SYT13: variants seen among roughly 807,000 people sequenced by gnomAD.
SYT13 encodes the protein synaptotagmin 13.
SYT13 carries 21 observed loss-of-function variants against 38.6 expected under a neutral mutation model. The observed-to-expected ratio is 0.54, with a 90% CI of 0.39 to 0.78. The LOEUF (loss-of-function observed/expected upper bound fraction) is 0.78, where lower values mean the gene tolerates loss of function less well. Ranked by LOEUF, SYT13 falls within the 30% of genes least tolerant of loss-of-function variation. SYT13 has a pLI of 0.00. For missense variants in SYT13, 495 were observed against 548.7 expected (o/e 0.90, Z 0.98); for synonymous variants, 241 against 237.6 (o/e 1.01, Z -0.13).
At chr11:45,272,383 T>C (rs980971217) in intron 1 of SYT13, among the ~76,000 whole-genome samples, 1 of 152,232 alleles carries the variant, frequency 6.6e-6, no homozygotes, top group African/African-American at 2.4e-5. Context: ...AACCCCTGTG[T>C]GTCACTGGAT....
intron 1 of SYT13, among the ~76,000 whole-genome samples, chr11:45,284,531 T>A (rs988929459): frequency 6.6e-6 from 1 of 152,082 alleles, no homozygotes; most frequent in African/African-American, 2.4e-5. Flanking sequence ...CACAACCTGG[T>A]TTTTCTTTAA....
chr11:45,251,618 A>G (rs1444916980), intron 4 of SYT13, among the ~76,000 whole-genome samples: 4 of 151,880 alleles, frequency 2.6e-5, no homozygotes, highest in Non-Finnish European at 5.9e-5. Flanking sequence ...ATGAGCTTTG[A>G]CCCAGGGGCC....
At chr11:45,245,833 C>T (rs930811321) in intron 5 of SYT13, among the ~76,000 whole-genome samples, 1 of 152,236 alleles carries the variant, frequency 6.6e-6, no homozygotes, top group African/African-American at 2.4e-5. Flanking sequence ...CTTCTGCCAT[C>T]ACCCACACTC....
Position 45,243,848 on chromosome 11 carries a change from A to T in SYT13, c.*204T>A, listed in dbSNP as rs1349055391. 8.7e-6 allele frequency: 5 copies of T among 575,410 alleles called. No homozygotes were observed. Among genetic ancestry groups the T allele is most frequent in the Non-Finnish European group, 1.5e-5 (5 of 330,848 alleles). The allele number at this position is 575,410 out of a possible 1,614,324, so 35.6% of individuals were successfully genotyped here. A position where few individuals can be genotyped will look rare whatever the true frequency, so the allele number is the denominator to read the frequency against. On this transcript the variant is annotated 3_prime_UTR_variant, in exon 6 of 6. Transcript: ENST00000020926. ...TCAATAACACAGATGAGCAAAATGC[A>T]TTCCTCAGTGTGACCCGCATATTCC...
chr11:45,276,656 A>G (rs921271756), intron 1 of SYT13, among the ~76,000 whole-genome samples: 1 of 152,026 alleles, frequency 6.6e-6, no homozygotes, highest in Non-Finnish European at 1.5e-5. Context: ...TTAGATATTA[A>G]AAGCTCAGAA....
chr11:45,244,886 A>G (rs1854596120), intron 5 of SYT13, among the ~76,000 whole-genome samples: 1 of 152,200 alleles, frequency 6.6e-6, no homozygotes, highest in Non-Finnish European at 1.5e-5. Context: ...CCTTTGCTAC[A>G]TGACTTCATA....
intron 1 of SYT13, among the ~76,000 whole-genome samples, chr11:45,272,271 C>A (rs1413449130): frequency 1.3e-5 from 2 of 152,106 alleles, no homozygotes; most frequent in African/African-American, 4.8e-5. Flanking sequence ...TGCAGCAAAC[C>A]ACTGTGGCAT....
intron 2 of SYT13, 177 bp from the exon 3 acceptor site, chr11:45,254,581 G>A: frequency 1.4e-6 from 1 of 740,524 alleles, no homozygotes; most frequent in East Asian, 3.1e-5. Flanking sequence ...CAGCCCATTA[G>A]GCTGCATCTG....
intron 1 of SYT13, chr11:45,269,555 T>C (rs1854924423): frequency 1.0e-6 from 1 of 992,572 alleles, no homozygotes; most frequent in Non-Finnish European, 1.4e-6. Context: ...TTCACGCAAC[T>C]ATAGATAAGT....
chr11:45,264,445 A>C (rs1161685686), intron 1 of SYT13, among the ~76,000 whole-genome samples: 1 of 152,180 alleles, frequency 6.6e-6, no homozygotes, highest in Non-Finnish European at 1.5e-5. Flanking sequence ...AACACACTGC[A>C]ATGTTGAAAG....
At chr11:45,280,113 A>G (rs1300655541) in intron 1 of SYT13, among the ~76,000 whole-genome samples, 2 of 152,194 alleles carry the variant, frequency 1.3e-5, no homozygotes, top group African/African-American at 4.8e-5. Context: ...TTAATCTTTG[A>G]TGAATGAACT....
In SYT13 at chr11:45,252,273, AT is replaced by A; in HGVS notation, c.846+147del. The A allele has an allele frequency of 1.1e-6, 1 of 945,910 alleles. No homozygotes were observed. 58.6% of individuals were successfully genotyped at this position (945,910 alleles called of 1,614,324 possible). A position where few individuals can be genotyped will look rare whatever the true frequency, so the allele number is the denominator to read the frequency against. On this transcript the variant is annotated intron_variant, in intron 4 of 5. Transcript: ENST00000020926. The surrounding 1 kb of genome is among the most constrained non-coding windows in gnomAD (Gnocchi z 4.3). Reference sequence around the variant, plus strand: ...TGGGTCTCCTCTAGCCCTCTGCCCCATTCAAGATTCCAACCTCCCTTCCAGC... The same window carrying A: ...TGGGTCTCCTCTAGCCCTCTGCCCCATCAAGATTCCAACCTCCCTTCCAGC...
chr11:45,259,048 T>G, intron 1 of SYT13, among the ~76,000 whole-genome samples: 1 of 152,098 alleles, frequency 6.6e-6, no homozygotes, highest in East Asian at 1.9e-4. Context: ...TCATTTCCAT[T>G]GCCCTGCAGC....
intron 3 of SYT13, 172 bp downstream of exon 3, chr11:45,254,098 G>C: frequency 1.6e-6 from 1 of 644,240 alleles, no homozygotes; most frequent in Admixed American, 4.1e-5. Context: ...TGGACTGTTG[G>C]GGTTGGGAGT....
At chr11:45,269,593 C>T in intron 1 of SYT13, 2 of 573,194 alleles carry the variant, frequency 3.5e-6, no homozygotes, top group Non-Finnish European at 5.3e-6. Context: ...TTCTATATAC[C>T]CTAATATTAA....
intron 1 of SYT13, among the ~76,000 whole-genome samples, chr11:45,282,743 T>A (rs1469873597): frequency 6.6e-6 from 1 of 152,230 alleles, no homozygotes; most frequent in African/African-American, 2.4e-5. Flanking sequence ...AAAATACTGC[T>A]TCAGTTAGAG....
intron 1 of SYT13, among the ~76,000 whole-genome samples, chr11:45,284,652 G>C (rs1855112621): frequency 1.3e-5 from 2 of 152,154 alleles, no homozygotes; most frequent in African/African-American, 4.8e-5. Flanking sequence ...CTCTAGGAAG[G>C]GGAGGGGGCG....
intron 1 of SYT13, among the ~76,000 whole-genome samples, chr11:45,280,169 G>A (rs1342881363): frequency 6.6e-6 from 1 of 152,154 alleles, no homozygotes; most frequent in Non-Finnish European, 1.5e-5. Context: ...ACTCTTACAT[G>A]TGTGAATTAA....
At chr11:45,244,528 G>T (rs1355789250) in intron 5 of SYT13, among the ~76,000 whole-genome samples, 172 bp from the exon 6 acceptor site, 1 of 152,096 alleles carries the variant, frequency 6.6e-6, no homozygotes, top group Admixed American at 6.5e-5. Context: ...TTTTCCTTCT[G>T]GATACCCCAG....
Sources: allele counts gnomAD v4.1 joint callset (sites outside exome capture counted in the v4.1 genomes callset), GRCh38; gene constraint gnomAD v4.1.1; non-coding constraint Gnocchi (gnomAD v3.1); transcripts MANE v1.5; gene names NCBI Gene and HGNC (gene_info 2026-07-23, HGNC 2026-07-21).